Variants in SLC36A1 observed in about 807,000 individuals in gnomAD.
SLC36A1 encodes the protein solute carrier family 36 member 1, also known as proton-coupled amino acid transporter 1.
A neutral mutation model predicts 47.5 loss-of-function variants in SLC36A1; 30 were observed. The ratio of observed to expected loss-of-function variants is 0.63; its 90% CI spans 0.47 to 0.86. SLC36A1 has a LOEUF of 0.86. Ranked by LOEUF, SLC36A1 falls within the 40% of genes least tolerant of loss-of-function variation. The pLI is 0.00. For missense variants in SLC36A1, 517 were observed against 606.0 expected (o/e 0.85, Z 1.54); for synonymous variants, 255 against 249.7 (o/e 1.02, Z -0.20).
At chr5:151,371,843 T>C in the SLC36A1 span, among the ~76,000 whole-genome samples, 5 of 152,238 alleles carry the variant, frequency 3.3e-5, no homozygotes, top group African/African-American at 1.2e-4. Context: ...TCTTCCTTGG[T>C]TTTTCTTTTC....
chr5:151,500,819 C>A, the SLC36A1 span, among the ~76,000 whole-genome samples: 1 of 152,226 alleles, frequency 6.6e-6, no homozygotes, highest in African/African-American at 2.4e-5. Flanking sequence ...TGCCTGAGCC[C>A]CAGTGGTTTA....
chr5:151,494,545 G>A (rs1331170275), downstream of SLC36A1, among the ~76,000 whole-genome samples: 5 of 152,094 alleles, frequency 3.3e-5, no homozygotes, highest in Admixed American at 6.5e-5. Flanking sequence ...ATATAAAACC[G>A]TTACATATGT....
At chr5:151,466,759 T>C (rs116676353) in intron 5 of SLC36A1, among the ~76,000 whole-genome samples, 2,010 of 152,196 alleles carry the variant, frequency 0.013, 36 homozygotes, top group African/African-American at 0.045. Context: ...GAGAGGATGC[T>C]AAGGGGCTGG....
At chr5:151,534,737 A>T in the SLC36A1 span, 18 of 1,087,968 alleles carry the variant, frequency 1.7e-5, no homozygotes, top group Non-Finnish European at 2.0e-5. Flanking sequence ...ACCCAGCCAC[A>T]CAGAGTTTTG....
At chr5:151,452,372 T>C (rs1316700741) in intron 1 of SLC36A1, 1 of 152,236 alleles carries the variant, frequency 6.6e-6, no homozygotes, top group African/African-American at 2.4e-5. Flanking sequence ...AGAAAATACA[T>C]CTGGGGAATT....
chr5:151,550,102 G>T, the SLC36A1 span, among the ~76,000 whole-genome samples: 4 of 152,132 alleles, frequency 2.6e-5, no homozygotes, highest in Non-Finnish European at 5.9e-5. Context: ...ATAGAACTAG[G>T]GGGAAGCAAG....
intron 10 of SLC36A1, among the ~76,000 whole-genome samples, chr5:151,486,028 G>T (rs977876005): frequency 6.6e-6 from 1 of 152,188 alleles, no homozygotes; most frequent in Non-Finnish European, 1.5e-5. Flanking sequence ...GTCCATTTGC[G>T]TTGTTATAAA....
chr5:151,537,451 AGGGG>A, the SLC36A1 span, among the ~76,000 whole-genome samples: 1 of 146,436 alleles, frequency 6.8e-6, no homozygotes, highest in Non-Finnish European at 1.5e-5. Context: ...AGGGGAGGGG[AGGGG>A]AGGGAAGGAA....
At chr5:151,527,738 A>C in the SLC36A1 span, among the ~76,000 whole-genome samples, 8,521 of 152,262 alleles carry the variant, frequency 0.056, 486 homozygotes, top group South Asian at 0.27. Flanking sequence ...CTATTTTATA[A>C]TGATCTAATG....
At chr5:151,547,971 A>T in the SLC36A1 span, among the ~76,000 whole-genome samples, 1 of 152,326 alleles carries the variant, frequency 6.6e-6, no homozygotes, top group South Asian at 2.1e-4. Context: ...GAATATTTTA[A>T]AACTAATCTA....
At chr5:151,468,268 T>A (rs12517705) in intron 7 of SLC36A1, among the ~76,000 whole-genome samples, 9,528 of 47,808 alleles carry the variant, frequency 0.2, 1,030 homozygotes, top group Non-Finnish European at 0.23. Flanking sequence ...AAAAAAAAAA[T>A]ATATATATAT....
At chr5:151,505,252 C>T in the SLC36A1 span, 9 of 446,276 alleles carry the variant, frequency 2.0e-5, no homozygotes, top group Admixed American at 8.3e-5. Flanking sequence ...GACTGAGAGC[C>T]GGCAGATCAG....
At chr5:151,506,561 C>T in the SLC36A1 span, among the ~76,000 whole-genome samples, 2 of 152,162 alleles carry the variant, frequency 1.3e-5, no homozygotes, top group Admixed American at 1.3e-4. Flanking sequence ...TGGTCCTAGC[C>T]CTGCCTCTGC....
chr5:151,550,952 A>T, the SLC36A1 span: 2 of 1,311,762 alleles, frequency 1.5e-6, no homozygotes, highest in African/African-American at 2.9e-5. Flanking sequence ...TCCCTGTATC[A>T]CCCAGGCCTA....
At chr5:151,458,957 C>A in intron 2 of SLC36A1, 22 bp downstream of exon 2, 7 of 1,593,094 alleles carry the variant, frequency 4.4e-6, no homozygotes, top group Non-Finnish European at 6.0e-6. Context: ...TTACCTTCTC[C>A]TCTCCTGGGT....
intron 1 of SLC36A1, among the ~76,000 whole-genome samples, chr5:151,439,734 T>C (rs751737994): frequency 6.6e-6 from 1 of 152,124 alleles, no homozygotes; most frequent in African/African-American, 2.4e-5. Flanking sequence ...CCAGTTGTAT[T>C]GATCTGGCCC....
At chr5:151,361,781 TATC>T in the SLC36A1 span, among the ~76,000 whole-genome samples, 1 of 152,262 alleles carries the variant, frequency 6.6e-6, no homozygotes, top group Non-Finnish European at 1.5e-5. Flanking sequence ...TAGTAAATTC[TATC>T]ATCTTCTGTT....
the SLC36A1 span, among the ~76,000 whole-genome samples, chr5:151,393,016 A>G: frequency 6.6e-6 from 1 of 151,896 alleles, no homozygotes; most frequent in Admixed American, 6.6e-5. Context: ...AAAGTCTCCC[A>G]TTATTCTTGT....
At chr5:151,430,092 G>C in the SLC36A1 span, among the ~76,000 whole-genome samples, 1 of 151,980 alleles carries the variant, frequency 6.6e-6, no homozygotes, top group Non-Finnish European at 1.5e-5. Context: ...AGGTAAATAA[G>C]GCCTGGTCAT....
Sources: gnomAD v4.1 joint callset for allele counts (sites outside exome capture counted in the v4.1 genomes callset) on GRCh38, gnomAD v4.1.1 for gene constraint, MANE v1.5 for transcripts, NCBI Gene and HGNC (gene_info 2026-07-23, HGNC 2026-07-21) for gene names.